Variants in SLC26A11 observed in about 807,000 individuals in gnomAD.
SLC26A11 encodes sodium-independent sulfate anion transporter.
In SLC26A11, 58 loss-of-function variants were observed where a neutral mutation model predicts 62.2. The ratio of observed to expected loss-of-function variants is 0.93; its 90% CI spans 0.76 to 1.16. The LOEUF is 1.16. Among genes scored for constraint, SLC26A11 ranks in the 50% most tolerant of loss-of-function variants. SLC26A11 has a pLI of 0.00. For synonymous variants in SLC26A11, 411 were observed against 368.9 expected (o/e 1.11, Z -1.31); for missense variants, 790 against 794.3 (o/e 0.99, Z 0.06).
chr17:80,237,614 C>A lies in SLC26A11; in HGVS notation c.985+20C>A, dbSNP rs1009951467. 5 of 1,606,238 alleles carry A rather than the reference C, an allele frequency of 3.1e-6. No individual in the cohort carries two copies. In the African/African-American group the frequency reaches 6.7e-5, roughly 21 times the overall value. ...CCTTCGGTAAGACGCCTGTCACCCACACCCCAGGTCTCCCAGTGCGCCGGC... is the reference window on the plus strand; with the variant it reads ...CCTTCGGTAAGACGCCTGTCACCCAAACCCCAGGTCTCCCAGTGCGCCGGC... On this transcript the variant is annotated intron_variant, in intron 9 of 17. Coordinates refer to ENST00000361193, the MANE Select transcript of SLC26A11 (RefSeq NM_001166347.2).
rs553775716 is a variant in SLC26A11, at chr17:80,249,445, C to T, written c.1656+158C>T. ...TGATTTAAACAGTTCTTGTTCCCAT[C>T]TGGCCTTCCTCGTCCCTCCCTGTGG... On this transcript the variant is annotated intron_variant, in intron 16 of 17. Coordinates refer to ENST00000361193, the MANE Select transcript of SLC26A11 (RefSeq NM_001166347.2). 6.6e-4 allele frequency among the ~76,000 whole-genome samples: 100 copies of T among 152,360 alleles called. 1 individual carries two copies. In the South Asian group the frequency reaches 0.017, roughly 26 times the overall value.
intron 10 of SLC26A11, among the ~76,000 whole-genome samples, chr17:80,244,368 C>T (rs976657060): frequency 3.3e-5 from 5 of 152,292 alleles, no homozygotes; most frequent in Middle Eastern, 6.8e-3. Flanking sequence ...TCTCGTGAGA[C>T]GGAAAGGAAC....
intron 8 of SLC26A11, 48 bp downstream of exon 8, chr17:80,237,151 C>CCCTGG (rs889123977): frequency 5.7e-6 from 9 of 1,580,292 alleles, no homozygotes; most frequent in Non-Finnish European, 7.7e-6. Context: ...CTGCGGTGGC[C>CCCTGG]CCTGGCCTGG....
rs764520809 is a variant in SLC26A11 at position 80,246,236 on chromosome 17, C to T, written c.1153+27C>T. ...TAAGGCCCCCCATCTTCCCCTTGTG[C>T]CCGCAGCCCTGAGAGTGGGAGAAAG... On this transcript the variant is annotated intron_variant, in intron 12 of 17. Coordinates refer to ENST00000361193, the MANE Select transcript of SLC26A11 (RefSeq NM_001166347.2). This position sits in a 1 kb window ranked among gnomAD's most constrained non-coding sequence, Gnocchi z 4.4. The T allele has an allele frequency of 6.2e-7, 1 of 1,600,766 alleles. No individual in the cohort carries two copies. Among genetic ancestry groups the T allele is most frequent in the Admixed American group, 1.7e-5 (1 of 57,712 alleles).
chr17:80,240,964 C>T (rs566124048), intron 9 of SLC26A11, among the ~76,000 whole-genome samples: 4 of 151,846 alleles, frequency 2.6e-5, no homozygotes, highest in East Asian at 1.9e-4. Context: ...TAAAATTAGC[C>T]GGGCATGGAC....
chr17:80,246,384 C>A lies in SLC26A11; in HGVS notation c.1154-125C>A. On this transcript the variant is annotated intron_variant, in intron 12 of 17. Coordinates refer to ENST00000361193, the MANE Select transcript of SLC26A11 (RefSeq NM_001166347.2). The surrounding 1 kb of genome is among the most constrained non-coding windows in gnomAD (Gnocchi z 4.4). ...CAGGAGACTGAGCAGGGGCTGGGGG[C>A]CTTGGCAGTCGTCGCCCTACCCCCA... 1 of 1,436,350 alleles carries A rather than the reference C, an allele frequency of 7.0e-7. No individual in the cohort carries two copies. Among genetic ancestry groups the A allele is most frequent in the Non-Finnish European group, 9.4e-7 (1 of 1,064,144 alleles). 89.0% of individuals were successfully genotyped at this position (1,436,350 alleles called of 1,614,324 possible).
In SLC26A11 at chr17:80,222,732, C is replaced by T. The variant is rs1398773416; in HGVS notation, c.312C>T (p.Pro104=). ...LGTSRDVTLG[P]TAIMSLLVSF... ...CCTCCCGGGATGTGACTCTGGGCCC[C>T]ACCGCCATTATGTCCCTCCTGGTCT... The change falls in exon 4 of 18, where the codon CCC becomes CCT. Residue 104 remains proline, a synonymous_variant. Coordinates refer to ENST00000361193, the MANE Select transcript of SLC26A11 (RefSeq NM_001166347.2). This position sits in a 1 kb window ranked among gnomAD's most constrained non-coding sequence, Gnocchi z 4.7. 6.2e-7 allele frequency: 1 copy of T among 1,614,180 alleles called. No individual in the cohort carries two copies. The highest frequency in any genetic ancestry group is 1.7e-5 in the Admixed American group (1 of 60,028).
intron 9 of SLC26A11, among the ~76,000 whole-genome samples, chr17:80,240,666 G>A (rs2042836325): frequency 6.6e-6 from 1 of 151,860 alleles, no homozygotes; most frequent in Non-Finnish European, 1.5e-5. Context: ...AGCTGTGCGT[G>A]GTGGCATGCC....
chr17:80,223,139 G>T lies in SLC26A11; in HGVS notation c.428-113G>T. 1 of 979,704 alleles carries T rather than the reference G, an allele frequency of 1.0e-6. No individual in the cohort carries two copies. The highest frequency in any genetic ancestry group is 1.6e-6 in the Non-Finnish European group (1 of 625,986). 60.7% of individuals were successfully genotyped at this position (979,704 alleles called of 1,614,324 possible). A position where few individuals can be genotyped will look rare whatever the true frequency, so the allele number is the denominator to read the frequency against. Reference sequence around the variant, plus strand: ...TGTGTTACCCCCAGTCCTTAGCTGCGGTATCTGCTCCCCAATCCCACCCAT... The same window carrying T: ...TGTGTTACCCCCAGTCCTTAGCTGCTGTATCTGCTCCCCAATCCCACCCAT... On this transcript the variant is annotated intron_variant, in intron 4 of 17. Coordinates refer to ENST00000361193, the MANE Select transcript of SLC26A11 (RefSeq NM_001166347.2). This position sits in a 1 kb window ranked among gnomAD's most constrained non-coding sequence, Gnocchi z 4.6.
At chr17:80,249,783 G>C (rs551571743) in intron 16 of SLC26A11, among the ~76,000 whole-genome samples, 6 of 152,096 alleles carry the variant, frequency 3.9e-5, no homozygotes, top group African/African-American at 4.8e-5. Flanking sequence ...GGTGGCGAGC[G>C]CCTGTAATTC....
intron 5 of SLC26A11, 102 bp from the exon 6 acceptor site, chr17:80,225,735 G>A: frequency 9.7e-7 from 1 of 1,035,280 alleles, no homozygotes; most frequent in Non-Finnish European, 1.5e-6. Flanking sequence ...AGCAGGGCCG[G>A]GGGACACTGT....
At position 80,238,811 on chromosome 17, in the gene SLC26A11, G is replaced by GTTT. The variant is rs1276063968; in HGVS notation, c.985+1223_985+1225dup. 2.0e-3 allele frequency among the ~76,000 whole-genome samples: 247 copies of GTTT among 123,226 alleles called. 21 individuals carry two copies. Among genetic ancestry groups the GTTT allele is most frequent in the African/African-American group, 7.2e-3 (209 of 29,210 alleles). 80.8% of individuals were successfully genotyped at this position (123,226 alleles called of 152,430 possible). A position where few individuals can be genotyped will look rare whatever the true frequency, so the allele number is the denominator to read the frequency against. ...TCTAACCCTTACCCCCTTCAAAGGA[G>GTTT]TTTTTTTTGTTTTTTGTTTTTTTTT... On this transcript the variant is annotated intron_variant, in intron 9 of 17. Coordinates refer to ENST00000361193, the MANE Select transcript of SLC26A11 (RefSeq NM_001166347.2).
intron 7 of SLC26A11, 152 bp from the exon 8 acceptor site, chr17:80,236,776 G>A (rs1447132206): frequency 1.3e-6 from 1 of 788,836 alleles, no homozygotes; most frequent in African/African-American, 1.7e-5. Flanking sequence ...ATTTATGTCT[G>A]TGTTGTGTTT....
intron 9 of SLC26A11, among the ~76,000 whole-genome samples, chr17:80,238,005 C>T (rs1274045753): frequency 6.6e-6 from 1 of 152,186 alleles, no homozygotes; most frequent in East Asian, 1.9e-4. Context: ...ACAGTGGGTG[C>T]AAATAACCTC....
chr17:80,253,369 A>G lies in SLC26A11; in HGVS notation c.*653A>G, dbSNP rs1290817920. Reference sequence around the variant, plus strand: ...AAACATGCATATGTACCTGTCCGTCAGTGTGTGGATGTATGTTTACAGTTC... The same window carrying G: ...AAACATGCATATGTACCTGTCCGTCGGTGTGTGGATGTATGTTTACAGTTC... On this transcript the variant is annotated 3_prime_UTR_variant, in exon 18 of 18. Transcript: ENST00000361193. 6.6e-6 allele frequency: 1 copy of G among 152,264 alleles called. No homozygotes were observed. Among genetic ancestry groups the G allele is most frequent in the Non-Finnish European group, 1.5e-5 (1 of 68,068 alleles). 9.4% of individuals were successfully genotyped at this position (152,264 alleles called of 1,614,324 possible).
intron 3 of SLC26A11, chr17:80,221,995 TATGGAGGGGCCAGCGAGATGACTC>T (rs2042222192): frequency 6.8e-6 from 4 of 588,574 alleles, no homozygotes; most frequent in Non-Finnish European, 1.2e-5. Context: ...CTGAGCTGGT[TATGGAGGGGCCAGCGAGATGACTC>T]ATGGAGGCCT....
rs1032863312 is a variant in SLC26A11 at position 80,246,190 on chromosome 17, G to A, written c.1134G>A (p.Pro378=). 9 of 1,612,444 alleles carry A rather than the reference G, an allele frequency of 5.6e-6. 1 individual carries two copies. The highest frequency in any genetic ancestry group is 1.7e-4 in the Middle Eastern group (1 of 6,060). Residue 378 remains proline, a synonymous_variant, in exon 12 of 18, where the codon CCG becomes CCA. Coordinates refer to ENST00000361193, the MANE Select transcript of SLC26A11 (RefSeq NM_001166347.2). The surrounding 1 kb of genome is among the most constrained non-coding windows in gnomAD (Gnocchi z 4.4). Reference sequence around the variant, plus strand: ...ACGCTCAGTCGGGGGTGTGCACCCCGGCGGGGGGCCTGGTGACGGGTAAGG... The same window carrying A: ...ACGCTCAGTCGGGGGTGTGCACCCCAGCGGGGGGCCTGGTGACGGGTAAGG... ...AVNAQSGVCT[P]AGGLVTGVLV... is the part of the protein sequence containing the mutation.
In SLC26A11 at chr17:80,227,693, A is replaced by G. The variant is rs2042448318; in HGVS notation, c.594-125A>G. 8.1e-6 allele frequency: 11 copies of G among 1,356,954 alleles called. No individual in the cohort carries two copies. The South Asian group carries it at 1.3e-4, about 15-fold the overall frequency. 84.1% of individuals were successfully genotyped at this position (1,356,954 alleles called of 1,614,324 possible). ...ATACTCACTGTGGTCTGGGACCAGCAGCCTGGGCATTGGGCCTCCCTGGGA... is the reference window on the plus strand; with the variant it reads ...ATACTCACTGTGGTCTGGGACCAGCGGCCTGGGCATTGGGCCTCCCTGGGA... On this transcript the variant is annotated intron_variant, in intron 6 of 17. Coordinates refer to ENST00000361193, the MANE Select transcript of SLC26A11 (RefSeq NM_001166347.2).
At chr17:80,226,742 G>A (rs1017886090) in intron 6 of SLC26A11, among the ~76,000 whole-genome samples, 1 of 152,178 alleles carries the variant, frequency 6.6e-6, no homozygotes, top group African/African-American at 2.4e-5. Flanking sequence ...CTCTGATGAG[G>A]GGTACCTCCC....
Sources: allele counts gnomAD v4.1 joint callset (sites outside exome capture counted in the v4.1 genomes callset), GRCh38; gene constraint gnomAD v4.1.1; non-coding constraint Gnocchi (gnomAD v3.1); transcripts MANE v1.5; gene names NCBI Gene and HGNC (gene_info 2026-07-23, HGNC 2026-07-21).